NUMB: variants seen among roughly 807,000 people sequenced by gnomAD.
NUMB encodes the protein NUMB endocytic adaptor protein, also known as protein numb homolog.
NUMB carries 29 observed loss-of-function variants against 59.7 expected under a neutral mutation model. The observed-to-expected ratio is 0.49, with a 90% CI of 0.36 to 0.66. NUMB has a LOEUF of 0.66. Among genes scored for constraint, NUMB ranks in the 30% least tolerant of loss-of-function variants. NUMB has a pLI of 0.00. For missense variants in NUMB, 723 were observed against 822.0 expected (o/e 0.88, Z 1.47); for synonymous variants, 288 against 288.2 (o/e 1.00, Z 0.01).
chr14:73,300,189 AAG>A (rs1890053463), intron 6 of NUMB, among the ~76,000 whole-genome samples: 1 of 152,200 alleles, frequency 6.6e-6, no homozygotes. Context: ...CGGAAGGCCC[AAG>A]AAAAAGAGAA....
At chr14:73,289,340 C>T (rs924618609) in intron 8 of NUMB, among the ~76,000 whole-genome samples, 2 of 152,184 alleles carry the variant, frequency 1.3e-5, no homozygotes, top group African/African-American at 2.4e-5. Context: ...CACTGGATTA[C>T]CCAGAGTCAA....
At chr14:73,457,464 T>G (rs1259541932) in intron 1 of NUMB, among the ~76,000 whole-genome samples, 1 of 152,194 alleles carries the variant, frequency 6.6e-6, no homozygotes, top group Non-Finnish European at 1.5e-5. Flanking sequence ...ATATATCTAC[T>G]GTCCTAGCCA....
At chr14:73,434,195 C>A (rs531949341) in intron 1 of NUMB, among the ~76,000 whole-genome samples, 14 of 152,292 alleles carry the variant, frequency 9.2e-5, no homozygotes, top group Admixed American at 3.3e-4. Context: ...ATCCATTTAG[C>A]ACTGAAAGTT....
rs1366302285 is a variant in NUMB, at chr14:73,395,229, T to A, written c.-101+14708A>T. On this transcript the variant is annotated intron_variant, in intron 2 of 12. Transcript: ENST00000555238. ...CACACACACACACATACACACACAC[T>A]CTCTACATTTCTTTATCCATTCATC... is the stretch of plus-strand genomic sequence containing the variant. Among the ~76,000 whole-genome samples the A allele has an allele frequency of 5.3e-5, 8 of 151,978 alleles. No homozygotes were observed. In the South Asian group the frequency reaches 1.2e-3, roughly 24 times the overall value.
intron 1 of NUMB, among the ~76,000 whole-genome samples, chr14:73,455,009 G>GA (rs929425648): frequency 1.3e-5 from 2 of 151,982 alleles, no homozygotes; most frequent in Admixed American, 6.6e-5. Flanking sequence ...TTATGTCACA[G>GA]AAAAAAAGCA....
At chr14:73,293,485 G>A (rs979965961) in intron 7 of NUMB, among the ~76,000 whole-genome samples, 5 of 149,136 alleles carry the variant, frequency 3.4e-5, no homozygotes, top group South Asian at 2.1e-4. Flanking sequence ...TCTGCCTCCC[G>A]GGTTCAAGCA....
chr14:73,276,891 G>A lies in NUMB; in HGVS notation c.1643C>T (p.Ala548Val), dbSNP rs1472219528. The change falls in exon 13 of 13, where the codon GCC (alanine) becomes GTC (valine). Residue 548 changes from alanine (A) to valine (V), a missense_variant. Transcript: ENST00000555238. ...VFGTAGHPQAAHPHQSPSLVR... is the reference protein window; with the variant it reads ...VFGTAGHPQAVHPHQSPSLVR... ...CAGGCTGGGTGACTGATGGGGATGG[G>A]CAGCCTGAGGGTGGCCTGCAGTGCC... 1.9e-6 allele frequency: 3 copies of A among 1,614,032 alleles called. No individual in the cohort carries two copies. The highest frequency in any genetic ancestry group is 2.5e-6 in the Non-Finnish European group (3 of 1,179,918).
intron 4 of NUMB, among the ~76,000 whole-genome samples, chr14:73,333,134 AC>A (rs1892084526): frequency 6.6e-6 from 1 of 152,186 alleles, no homozygotes; most frequent in Non-Finnish European, 1.5e-5. Flanking sequence ...GTAATTCTAT[AC>A]TTAGCTTTTT....
chr14:73,419,020 T>C (rs1002857223), intron 1 of NUMB, among the ~76,000 whole-genome samples: 6 of 152,206 alleles, frequency 3.9e-5, no homozygotes, highest in African/African-American at 7.2e-5. Flanking sequence ...CACATTCTAA[T>C]AATTAAACCC....
intron 1 of NUMB, among the ~76,000 whole-genome samples, chr14:73,449,951 G>A (rs1468233734): frequency 2.0e-5 from 3 of 152,342 alleles, no homozygotes; most frequent in South Asian, 4.1e-4. Flanking sequence ...GCCTCCCAAA[G>A]TGCTGGGATT....
chr14:73,416,918 C>T (rs1415421013), intron 1 of NUMB, among the ~76,000 whole-genome samples: 1 of 151,582 alleles, frequency 6.6e-6, no homozygotes, highest in African/African-American at 2.4e-5. Flanking sequence ...GCCCCCTTAT[C>T]CTGTACCCAT....
intron 1 of NUMB, among the ~76,000 whole-genome samples, chr14:73,439,851 A>C (rs1281201228): frequency 6.6e-6 from 1 of 152,176 alleles, no homozygotes; most frequent in Non-Finnish European, 1.5e-5. Context: ...ATTTCTATTT[A>C]ATGGCTTAGC....
At chr14:73,378,506 C>T (rs866840326) in intron 2 of NUMB, among the ~76,000 whole-genome samples, 1 of 152,146 alleles carries the variant, frequency 6.6e-6, no homozygotes, top group African/African-American at 2.4e-5. Context: ...ACCAAGATGT[C>T]CTTCAGCAGG....
intron 9 of NUMB, 49 bp from the exon 10 acceptor site, chr14:73,284,423 T>C (rs760340755): frequency 2.6e-6 from 4 of 1,536,368 alleles, no homozygotes; most frequent in Non-Finnish European, 3.5e-6. Context: ...TTCAAATAAT[T>C]TGCGTTTAGA....
chr14:73,290,371 T>C (rs903798512), intron 8 of NUMB, among the ~76,000 whole-genome samples: 1 of 152,188 alleles, frequency 6.6e-6, no homozygotes, highest in African/African-American at 2.4e-5. Context: ...ATAATCTTTA[T>C]CCAATTTAGT....
chr14:73,297,187 C>CAAAATA (rs1258649566), intron 7 of NUMB, 24 bp downstream of exon 7: 1 of 1,486,120 alleles, frequency 6.7e-7, no homozygotes, highest in East Asian at 2.3e-5. Context: ...TAAAATAAAT[C>CAAAATA]AAAATAAAAA....
intron 4 of NUMB, 44 bp from the exon 5 acceptor site, chr14:73,323,248 A>C (rs761285004): frequency 7.7e-7 from 1 of 1,306,808 alleles, no homozygotes; most frequent in Admixed American, 1.7e-5. Context: ...ATGTTTACCA[A>C]GTAGCTACTA....
rs1889826777 is a variant in NUMB at position 73,297,102 on chromosome 14, G to A, written c.309+109C>T. 3 of 657,856 alleles carry A rather than the reference G, an allele frequency of 4.6e-6. No homozygotes were observed. The Admixed American group carries it at 6.6e-5, about 15-fold the overall frequency. The allele number at this position is 657,856 out of a possible 1,614,324, so 40.8% of individuals were successfully genotyped here. On this transcript the variant is annotated intron_variant, in intron 7 of 12. Transcript: ENST00000555238. ...GAATCGCTTGAACCTGGGAGGTGGA[G>A]GTTGCGGTGGGCCGAGATCGTGCCA...
At chr14:73,388,334 T>C (rs1895661308) in intron 2 of NUMB, among the ~76,000 whole-genome samples, 1 of 152,206 alleles carries the variant, frequency 6.6e-6, no homozygotes, top group East Asian at 1.9e-4. Flanking sequence ...AGAAACCTTA[T>C]CACTAAAACT....
Sources: allele counts gnomAD v4.1 joint callset (sites outside exome capture counted in the v4.1 genomes callset), GRCh38; gene constraint gnomAD v4.1.1; transcripts MANE v1.5; gene names NCBI Gene and HGNC (gene_info 2026-07-23, HGNC 2026-07-21).